The following PPP2R5E variants were observed in gnomAD, a reference collection of about 807,000 sequenced individuals.
PPP2R5E encodes protein phosphatase 2 regulatory subunit B'epsilon.
In PPP2R5E, 4 loss-of-function variants were observed where a neutral mutation model predicts 65.3. The ratio of observed to expected loss-of-function variants is 0.06; its 90% CI spans 0.03 to 0.14. The LOEUF is 0.14. Ranked by LOEUF, PPP2R5E falls within the 10% of genes least tolerant of loss-of-function variation. The pLI is 1.00. For missense variants in PPP2R5E, 274 were observed against 556.1 expected, an observed-to-expected ratio of 0.49 and a Z score of 5.10; for synonymous variants, 183 against 187.4, an observed-to-expected ratio of 0.98 and a Z score of 0.19.
At chr14:63,445,602 T>G (rs1323982290) in intron 3 of PPP2R5E, among the ~76,000 whole-genome samples, 1 of 152,020 alleles carries the variant, frequency 6.6e-6, no homozygotes, top group Admixed American at 6.6e-5. Flanking sequence ...CCCAGCACTT[T>G]GGGAAGCTGA....
At chr14:63,528,725 T>A (rs1184440457) in intron 2 of PPP2R5E, among the ~76,000 whole-genome samples, 2 of 151,876 alleles carry the variant, frequency 1.3e-5, no homozygotes, top group African/African-American at 2.4e-5. Flanking sequence ...AAAAAAAAAA[T>A]AAACTGTTTA....
At chr14:63,458,105 G>T (rs895938952) in intron 2 of PPP2R5E, among the ~76,000 whole-genome samples, 1 of 152,180 alleles carries the variant, frequency 6.6e-6, no homozygotes, top group East Asian at 1.9e-4. Flanking sequence ...TTACGAGTGT[G>T]ACATGCAATG....
At chr14:63,479,571 ATAACT>A (rs1890589048) in intron 2 of PPP2R5E, among the ~76,000 whole-genome samples, 1 of 152,238 alleles carries the variant, frequency 6.6e-6, no homozygotes, top group African/African-American at 2.4e-5. Context: ...TGAACAAAAC[ATAACT>A]TAAGTCTTTA....
intron 2 of PPP2R5E, among the ~76,000 whole-genome samples, chr14:63,483,180 C>T (rs778573626): frequency 2.6e-4 from 40 of 151,774 alleles, no homozygotes; most frequent in Non-Finnish European, 5.1e-4. Flanking sequence ...AAAAATCATA[C>T]AGTATGTTGA....
intron 9 of PPP2R5E, 43 bp from the exon 10 acceptor site, chr14:63,391,910 A>G: frequency 6.2e-7 from 1 of 1,608,402 alleles, no homozygotes; most frequent in Non-Finnish European, 8.5e-7. Context: ...TAACTTTTTC[A>G]TATATACTTC....
Position 63,375,814 on chromosome 14 carries a change from C to T in PPP2R5E, c.*195G>A, listed in dbSNP as rs1883953523. ...TGCAAAGTTCTGAGAAGTCCATCTA[C>T]TGTCCAAACTTTGGATTGAAGTCCT... On this transcript the variant is annotated 3_prime_UTR_variant, in exon 14 of 14. Transcript: ENST00000337537. 2.5e-6 allele frequency: 1 copy of T among 394,868 alleles called. No homozygotes were observed. The highest frequency in any genetic ancestry group is 4.5e-6 in the Non-Finnish European group (1 of 222,276). The allele number at this position is 394,868 out of a possible 1,614,324, so 24.5% of individuals were successfully genotyped here.
intron 2 of PPP2R5E, among the ~76,000 whole-genome samples, chr14:63,491,003 T>TAAA (rs377108100): frequency 7.0e-6 from 1 of 141,912 alleles, no homozygotes; most frequent in Non-Finnish European, 1.6e-5. Context: ...GTGGACTGGA[T>TAAA]AAAAAAAAAA....
intron 5 of PPP2R5E, among the ~76,000 whole-genome samples, chr14:63,414,185 T>A (rs1025127632): frequency 6.6e-6 from 1 of 152,164 alleles, no homozygotes; most frequent in African/African-American, 2.4e-5. Flanking sequence ...AAATTCCAAA[T>A]GTATTAATTT....
intron 10 of PPP2R5E, 40 bp from the exon 11 acceptor site, chr14:63,389,771 TG>T: frequency 6.6e-7 from 1 of 1,516,448 alleles, no homozygotes; most frequent in Non-Finnish European, 8.8e-7. Context: ...AGGCACATCA[TG>T]AAAAAAAATC....
intron 2 of PPP2R5E, among the ~76,000 whole-genome samples, chr14:63,478,733 A>C (rs1890538903): frequency 6.6e-6 from 1 of 152,202 alleles, no homozygotes; most frequent in Admixed American, 6.5e-5. Context: ...TATGAAGTAC[A>C]CACTGAGAAA....
chr14:63,480,028 A>G (rs1336939352), intron 2 of PPP2R5E, among the ~76,000 whole-genome samples: 1 of 152,212 alleles, frequency 6.6e-6, no homozygotes, highest in Non-Finnish European at 1.5e-5. Context: ...ATATACTCAA[A>G]AGTAGAAAGG....
intron 3 of PPP2R5E, among the ~76,000 whole-genome samples, chr14:63,440,343 G>A (rs1379804507): frequency 6.6e-6 from 1 of 151,900 alleles, no homozygotes; most frequent in Non-Finnish European, 1.5e-5. Flanking sequence ...ATAACACAAA[G>A]GGAGTGTAAA....
chr14:63,473,940 G>A (rs1890265832), intron 2 of PPP2R5E, among the ~76,000 whole-genome samples: 1 of 152,200 alleles, frequency 6.6e-6, no homozygotes, highest in Non-Finnish European at 1.5e-5. Flanking sequence ...AATCATGACA[G>A]TATTAAAGTT....
chr14:63,504,415 C>G (rs1892057970), intron 2 of PPP2R5E, among the ~76,000 whole-genome samples: 1 of 152,104 alleles, frequency 6.6e-6, no homozygotes, highest in African/African-American at 2.4e-5. Context: ...AACCCCATCT[C>G]TACTAAAAAT....
At chr14:63,383,774 G>A (rs1426633666) in intron 12 of PPP2R5E, among the ~76,000 whole-genome samples, 1 of 152,062 alleles carries the variant, frequency 6.6e-6, no homozygotes, top group Non-Finnish European at 1.5e-5. Context: ...TCATAGGGCT[G>A]GATGTTAAAC....
At chr14:63,397,335 C>T (rs1027422001) in intron 5 of PPP2R5E, among the ~76,000 whole-genome samples, 1 of 151,954 alleles carries the variant, frequency 6.6e-6, no homozygotes, top group African/African-American at 2.4e-5. Flanking sequence ...AACCCCGTCT[C>T]TAGTAAAAAT....
At chr14:63,391,894 G>A in intron 9 of PPP2R5E, 27 bp from the exon 10 acceptor site, 2 of 1,611,058 alleles carry the variant, frequency 1.2e-6, no homozygotes, top group Non-Finnish European at 1.7e-6. Flanking sequence ...AAAAACAAAT[G>A]GCATTTAACT....
chr14:63,451,189 A>G (rs778051525), intron 3 of PPP2R5E: 1 of 152,222 alleles, frequency 6.6e-6, no homozygotes, highest in Non-Finnish European at 1.5e-5. Flanking sequence ...ACCATACAAT[A>G]CATACAGCAA....
At chr14:63,385,635 G>C (rs1343668376) in intron 11 of PPP2R5E, among the ~76,000 whole-genome samples, 1 of 152,172 alleles carries the variant, frequency 6.6e-6, no homozygotes, top group South Asian at 2.1e-4. Flanking sequence ...GGCAGGCACT[G>C]TGCCTACACA....
Sources: allele counts gnomAD v4.1 joint callset (sites outside exome capture counted in the v4.1 genomes callset), GRCh38; gene constraint gnomAD v4.1.1; transcripts MANE v1.5; gene names NCBI Gene and HGNC (gene_info 2026-07-23, HGNC 2026-07-21).